The following FER variants were observed in gnomAD, a reference collection of about 807,000 sequenced individuals.
The protein encoded by FER is FER tyrosine kinase.
In FER, 63 loss-of-function variants were observed where a neutral mutation model predicts 111.0. That is an observed-to-expected ratio of 0.57 (90% CI 0.46 to 0.70). The LOEUF (loss-of-function observed/expected upper bound fraction) is 0.70, where lower values mean the gene tolerates loss of function less well. Among genes scored for constraint, FER ranks in the 30% least tolerant of loss-of-function variants. FER has a pLI of 0.00. For synonymous variants in FER, 327 were observed against 313.9 expected, an observed-to-expected ratio of 1.04 and a Z score of -0.44; for missense variants, 914 against 954.0, an observed-to-expected ratio of 0.96 and a Z score of 0.55.
chr5:109,028,774 A>T (rs1467171810), intron 13 of FER, among the ~76,000 whole-genome samples: 2 of 152,216 alleles, frequency 1.3e-5, no homozygotes, highest in Non-Finnish European at 2.9e-5. Context: ...TGCCCTATTT[A>T]TAGCAGGAAT....
intron 16 of FER, among the ~76,000 whole-genome samples, chr5:109,070,874 G>T (rs1454828688): frequency 1.3e-5 from 2 of 149,518 alleles, no homozygotes; most frequent in Non-Finnish European, 2.9e-5. Context: ...ATACAAACAT[G>T]ATTATTTCAT....
chr5:108,808,868 A>G (rs1021869696), intron 3 of FER, among the ~76,000 whole-genome samples: 17 of 152,170 alleles, frequency 1.1e-4, no homozygotes, highest in African/African-American at 4.1e-4. Flanking sequence ...GAGATGTGAA[A>G]TTCTTGATTG....
At chr5:108,799,890 T>C (rs1274774139) in intron 3 of FER, among the ~76,000 whole-genome samples, 2 of 151,056 alleles carry the variant, frequency 1.3e-5, no homozygotes, top group African/African-American at 4.9e-5. Flanking sequence ...TCGCCCAGGC[T>C]GGAGTACGGT....
intron 17 of FER, among the ~76,000 whole-genome samples, chr5:109,177,301 T>C (rs75905038): frequency 0.033 from 5,088 of 152,170 alleles, 295 homozygotes; most frequent in African/African-American, 0.12. Context: ...GTTGGTTTTA[T>C]GCCATGTTTC....
intron 2 of FER, among the ~76,000 whole-genome samples, chr5:108,793,774 C>CT (rs1169352860): frequency 7.1e-6 from 1 of 141,032 alleles, no homozygotes; most frequent in Admixed American, 6.9e-5. Flanking sequence ...CTTAATTTTA[C>CT]TTTTTTTGTA....
chr5:109,116,041 A>C (rs1346500475), intron 17 of FER, among the ~76,000 whole-genome samples: 1 of 152,096 alleles, frequency 6.6e-6, no homozygotes, highest in Non-Finnish European at 1.5e-5. Context: ...GATACCAAAG[A>C]AATTAAAGTG....
At chr5:109,119,527 T>G (rs921933407) in intron 17 of FER, among the ~76,000 whole-genome samples, 6 of 152,008 alleles carry the variant, frequency 3.9e-5, no homozygotes, top group African/African-American at 1.4e-4. Flanking sequence ...TGTTAGGTCT[T>G]CTTGGTGCAG....
intron 5 of FER, among the ~76,000 whole-genome samples, chr5:108,848,673 CACT>C (rs1762259602): frequency 6.6e-6 from 1 of 152,016 alleles, no homozygotes; most frequent in African/African-American, 2.4e-5. Flanking sequence ...ACAAACTACA[CACT>C]ACATTGTTTT....
chr5:108,785,234 G>A (rs1047151947), intron 2 of FER: 1 of 589,566 alleles, frequency 1.7e-6, no homozygotes, highest in Non-Finnish European at 3.1e-6. Context: ...TGCATCTGGA[G>A]GCAAGGATGG....
intron 11 of FER, among the ~76,000 whole-genome samples, chr5:108,954,177 C>A (rs1356878071): frequency 6.6e-6 from 1 of 151,924 alleles, no homozygotes; most frequent in African/African-American, 2.4e-5. Context: ...GCAGGGCCAG[C>A]CATGTGGCAG....
intron 17 of FER, among the ~76,000 whole-genome samples, chr5:109,149,079 G>C (rs1412125991): frequency 1.5e-5 from 2 of 133,018 alleles, no homozygotes; most frequent in African/African-American, 5.6e-5. Flanking sequence ...CCTTTTTTCT[G>C]ATATATTAAA....
At chr5:109,025,163 A>G (rs886064641) in intron 13 of FER, among the ~76,000 whole-genome samples, 9 of 151,906 alleles carry the variant, frequency 5.9e-5, no homozygotes, top group African/African-American at 2.2e-4. Flanking sequence ...GAAGAAAGTC[A>G]TTGGTAGCTT....
At chr5:108,803,576 T>TTTATTATTA (rs1289700131) in intron 3 of FER, among the ~76,000 whole-genome samples, 5 of 152,184 alleles carry the variant, frequency 3.3e-5, no homozygotes, top group Admixed American at 6.5e-5. Flanking sequence ...CCCAGCAGCA[T>TTTATTATTA]TTATTAAATA....
At chr5:108,919,742 C>T (rs540476875) in intron 10 of FER, among the ~76,000 whole-genome samples, 2 of 152,192 alleles carry the variant, frequency 1.3e-5, no homozygotes, top group Non-Finnish European at 2.9e-5. Flanking sequence ...ATAGAAACTT[C>T]TTGACAATGA....
intron 17 of FER, among the ~76,000 whole-genome samples, chr5:109,134,023 TGATA>T (rs1305254991): frequency 2.0e-5 from 3 of 152,022 alleles, no homozygotes; most frequent in Non-Finnish European, 4.4e-5. Context: ...TAAGTTGTGA[TGATA>T]GATAAATAAT....
intron 5 of FER, among the ~76,000 whole-genome samples, chr5:108,837,075 A>G (rs1278807115): frequency 2.6e-5 from 4 of 152,312 alleles, no homozygotes; most frequent in African/African-American, 9.6e-5. Flanking sequence ...TATTTTAGTG[A>G]AGCAAAGAAA....
intron 17 of FER, among the ~76,000 whole-genome samples, chr5:109,153,623 A>G (rs575673667): frequency 6.6e-6 from 1 of 152,038 alleles, no homozygotes; most frequent in Non-Finnish European, 1.5e-5. Context: ...CACAGTAGTT[A>G]TCAACATTTA....
intron 13 of FER, among the ~76,000 whole-genome samples, chr5:109,030,528 T>G (rs920065953): frequency 5.1e-4 from 78 of 152,134 alleles, no homozygotes; most frequent in African/African-American, 1.7e-3. Flanking sequence ...TTTTTAGAGC[T>G]TTTTTGGTGT....
At chr5:109,105,211 T>TA (rs1748748111) in intron 17 of FER, among the ~76,000 whole-genome samples, 1 of 150,134 alleles carries the variant, frequency 6.7e-6, no homozygotes, top group Non-Finnish European at 1.5e-5. Flanking sequence ...AAATGTAAGA[T>TA]ACTGCTTCCA....
Sources: allele counts gnomAD v4.1 joint callset (sites outside exome capture counted in the v4.1 genomes callset), GRCh38; gene constraint gnomAD v4.1.1; transcripts MANE v1.5; gene names NCBI Gene and HGNC (gene_info 2026-07-23, HGNC 2026-07-21).